MYH9: variants seen among roughly 807,000 people sequenced by gnomAD.
MYH9 encodes the protein myosin heavy chain 9.
MYH9 carries 29 observed loss-of-function variants against 241.9 expected under a neutral mutation model. That is an observed-to-expected ratio of 0.12 (90% CI 0.09 to 0.16). The LOEUF is 0.16. Ranked by LOEUF, MYH9 falls within the 10% of genes least tolerant of loss-of-function variation. The probability of loss-of-function intolerance (pLI) is 1.00; values close to 1 mark genes in which losing one functional copy is unlikely to be tolerated. For missense variants in MYH9, 1,803 were observed against 2,595.5 expected (o/e 0.69, Z 6.63); for synonymous variants, 1,047 against 1,062.6 (o/e 0.99, Z 0.29).
chr22:36,327,596 G>A (rs2017356249), intron 3 of MYH9, 108 bp from the exon 4 acceptor site: 1 of 1,303,206 alleles, frequency 7.7e-7, no homozygotes, highest in African/African-American at 1.5e-5. Context: ...TGTCACAGAT[G>A]CTGTCTTTGT....
intron 1 of MYH9, among the ~76,000 whole-genome samples, chr22:36,378,460 G>A (rs1048448527): frequency 1.3e-5 from 2 of 152,248 alleles, no homozygotes; most frequent in East Asian, 1.9e-4. Context: ...TCCTTCTCCC[G>A]TGCATTTTGT....
chr22:36,386,844 G>A (rs967512354), intron 1 of MYH9, among the ~76,000 whole-genome samples: 1 of 152,262 alleles, frequency 6.6e-6, no homozygotes, highest in South Asian at 2.1e-4. Flanking sequence ...ATGGGGTGAG[G>A]ACCCCAGCAC....
intron 1 of MYH9, among the ~76,000 whole-genome samples, chr22:36,354,600 C>T (rs1359151294): frequency 5.3e-5 from 8 of 151,830 alleles, no homozygotes; most frequent in East Asian, 3.9e-4. Flanking sequence ...TCCGCCACCA[C>T]GCCCAGCTAA....
chr22:36,368,726 A>G (rs1052355059), intron 1 of MYH9, among the ~76,000 whole-genome samples: 2 of 151,936 alleles, frequency 1.3e-5, no homozygotes, highest in African/African-American at 4.8e-5. Flanking sequence ...ATCGCCCTAA[A>G]CAGCCAGGAA....
In MYH9 at chr22:36,296,982, C is replaced by T; in HGVS notation, c.3133G>A (p.Glu1045Lys). Residue 1045 changes from glutamate to lysine, a missense_variant, in exon 25 of 41, where the codon GAG becomes AAG. Glu to Lys is a moderately conservative substitution (Grantham distance 56). Around this residue, in one of 11 missense-constraint regions of MYH9, gnomAD observed 290 missense variants for 360.5 expected, o/e 0.80. Coordinates refer to ENST00000216181, the MANE Select transcript of MYH9 (RefSeq NM_002473.6). ...AGCTTCCGGCGGGTCTTCTCCAGCTCCTGTCGCTGCTTCTCCTCCCTGCGG... is the reference window on the plus strand; with the variant it reads ...AGCTTCCGGCGGGTCTTCTCCAGCTTCTGTCGCTGCTTCTCCTCCCTGCGG... ...RLRREEKQRQELEKTRRKLEG... is the reference protein window; with the variant it reads ...RLRREEKQRQKLEKTRRKLEG... 6.2e-7 allele frequency: 1 copy of T among 1,614,162 alleles called. No individual in the cohort carries two copies. Among genetic ancestry groups the T allele is most frequent in the Non-Finnish European group, 8.5e-7 (1 of 1,180,040 alleles).
rs373744273 is a variant in MYH9 at position 36,381,868 on chromosome 22, A to G, written c.-20+5939T>C. On this transcript the variant is annotated intron_variant, in intron 1 of 40. Coordinates refer to ENST00000216181, the MANE Select transcript of MYH9 (RefSeq NM_002473.6). ...TGTCATCTTCTATGTCAATGCCGCA[A>G]TGAAGATTCTCAGACATTTCCTTCA... Among the ~76,000 whole-genome samples the G allele has an allele frequency of 1.6e-4, 25 of 152,288 alleles. No homozygotes were observed. The South Asian group carries it at 2.7e-3, about 16-fold the overall frequency.
chr22:36,365,330 TC>T (rs1238291789), intron 1 of MYH9, among the ~76,000 whole-genome samples: 1 of 152,124 alleles, frequency 6.6e-6, no homozygotes, highest in Non-Finnish European at 1.5e-5. Context: ...GGCAAGGGGC[TC>T]CCTTTACAGC....
intron 1 of MYH9, among the ~76,000 whole-genome samples, chr22:36,366,828 G>A (rs923681468): frequency 6.6e-6 from 1 of 152,134 alleles, no homozygotes; most frequent in African/African-American, 2.4e-5. Flanking sequence ...CTACAGTGAT[G>A]AGCCCCAGGA....
intron 1 of MYH9, among the ~76,000 whole-genome samples, chr22:36,357,562 T>C (rs970716023): frequency 3.3e-5 from 5 of 152,034 alleles, no homozygotes; most frequent in Non-Finnish European, 7.4e-5. Flanking sequence ...AAGGTGGAAA[T>C]TGGGGGTTGC....
At chr22:36,344,201 T>C (rs1331556283) in intron 2 of MYH9, among the ~76,000 whole-genome samples, 1 of 152,216 alleles carries the variant, frequency 6.6e-6, no homozygotes, top group African/African-American at 2.4e-5. Flanking sequence ...AGGCAAGACA[T>C]CGAGCAAGCG....
Position 36,309,417 on chromosome 22 carries a change from G to A in MYH9, c.1729-21C>T, listed in dbSNP as rs149668001. On this transcript the variant is annotated intron_variant, in intron 14 of 40. Coordinates refer to ENST00000216181, the MANE Select transcript of MYH9 (RefSeq NM_002473.6). ...TCCACCTGGCGGGGTCAGAGAGGCA[G>A]GAGTCACAAGCTGCGCTGGGGACAT... 65 of 1,587,062 alleles carry A rather than the reference G, an allele frequency of 4.1e-5. 1 individual carries two copies. In the East Asian group the frequency reaches 1.4e-3, roughly 35 times the overall value.
chr22:36,296,540 CTTTTT>C (rs67917055), intron 25 of MYH9, among the ~76,000 whole-genome samples: 1 of 100,888 alleles, frequency 9.9e-6, no homozygotes, highest in South Asian at 3.4e-4. Context: ...CTGGTCAAGT[CTTTTT>C]TTTTTTTTTT....
Position 36,384,710 on chromosome 22 carries a change from C to A in MYH9, c.-20+3097G>T, listed in dbSNP as rs2018323551. Reference sequence around the variant, plus strand: ...TATTTCTTTCAGTTCATGCATCTAACCCCACAGGGTAGGATCTTGATTCCC... The same window carrying A: ...TATTTCTTTCAGTTCATGCATCTAAACCCACAGGGTAGGATCTTGATTCCC... On this transcript the variant is annotated intron_variant, in intron 1 of 40. Transcript: ENST00000216181. Among the ~76,000 whole-genome samples the A allele has an allele frequency of 4.3e-5, 6 of 138,352 alleles. No homozygotes were observed. The South Asian group carries it at 1.2e-3, about 27-fold the overall frequency. 90.8% of individuals were successfully genotyped at this position (138,352 alleles called of 152,430 possible).
At chr22:36,316,462 A>C in intron 12 of MYH9, 55 bp downstream of exon 12, 1 of 1,613,388 alleles carries the variant, frequency 6.2e-7, no homozygotes, top group South Asian at 1.1e-5. Context: ...ACCAAGGATA[A>C]GGCAACCAAC....
At chr22:36,362,274 T>A (rs1372892315) in intron 1 of MYH9, among the ~76,000 whole-genome samples, 4 of 152,150 alleles carry the variant, frequency 2.6e-5, no homozygotes, top group African/African-American at 7.2e-5. Flanking sequence ...TCTGATCTCC[T>A]ACTCCATAGA....
chr22:36,319,626 C>T lies in MYH9; in HGVS notation c.1022G>A (p.Arg341Gln), dbSNP rs1300678332. ...IPEEEQMGLL[R>Q]VISGVLQLGN... is the part of the protein sequence containing the mutation. ...GAGCTGAAGAACCCCTGAGATGACC[C>T]GCAGCAGGCCTTTGGGTGCAATCAG... Residue 341 changes from arginine (R) to glutamine (Q), a missense_variant, in exon 10 of 41, where the codon CGG becomes CAG. Arg to Gln is a conservative substitution (Grantham distance 43, BLOSUM62 1). Around this residue, in one of 11 missense-constraint regions of MYH9, gnomAD observed 222 missense variants for 359.9 expected, o/e 0.62. Coordinates refer to ENST00000216181, the MANE Select transcript of MYH9 (RefSeq NM_002473.6). The T allele has an allele frequency of 3.1e-6, 5 of 1,614,032 alleles. No homozygotes were observed. The highest frequency in any genetic ancestry group is 1.6e-4 in the Middle Eastern group (1 of 6,062).
intron 1 of MYH9, among the ~76,000 whole-genome samples, chr22:36,367,817 G>T (rs746071510): frequency 6.6e-6 from 1 of 152,174 alleles, no homozygotes; most frequent in African/African-American, 2.4e-5. Context: ...TGCCAGATTT[G>T]GGCCAATGCC....
At chr22:36,297,953 G>A (rs558366941) in intron 24 of MYH9, among the ~76,000 whole-genome samples, 198 of 152,294 alleles carry the variant, frequency 1.3e-3, no homozygotes, top group Non-Finnish European at 2.2e-3. Context: ...GCCCTTATTA[G>A]TGTCAACCTT....
chr22:36,284,223 G>C lies in MYH9; in HGVS notation c.5635C>G (p.Leu1879Val), dbSNP rs1383426298. 1 of 1,612,852 alleles carries C rather than the reference G, an allele frequency of 6.2e-7. No homozygotes were observed. Among genetic ancestry groups the C allele is most frequent in the Admixed American group, 1.7e-5 (1 of 59,974 alleles). Residue 1879 changes from leucine (L) to valine (V), a missense_variant, in exon 40 of 41, where the codon CTG becomes GTG. Transcript: ENST00000216181. ...TGGGCCTCCTCTTCGGCCTCCTCCA[G>C]CTGCCGCTTGAGCTGCTTCAGGCGG... ...STRLKQLKRQ[L>V]EEAEEEAQRA...
Sources: gnomAD v4.1 joint callset for allele counts (sites outside exome capture counted in the v4.1 genomes callset) on GRCh38, gnomAD v4.1.1 for gene constraint, gnomAD v4.1.1 regional missense constraint, MANE v1.5 for transcripts, NCBI Gene and HGNC (gene_info 2026-07-23, HGNC 2026-07-21) for gene names.